LRMDA: variants seen among roughly 807,000 people sequenced by gnomAD.
LRMDA encodes the protein leucine rich melanocyte differentiation associated.
Under a neutral mutation model 29.8 loss-of-function variants are expected in LRMDA, and 18 were observed. The observed-to-expected ratio is 0.60, with a 90% CI of 0.42 to 0.90. The LOEUF (loss-of-function observed/expected upper bound fraction) is 0.90, where lower values mean the gene tolerates loss of function less well. Among genes scored for constraint, LRMDA ranks in the 40% least tolerant of loss-of-function variants. LRMDA has a pLI of 0.00. For missense variants in LRMDA, 273 were observed against 273.9 expected, an observed-to-expected ratio of 1.00 and a Z score of 0.02; for synonymous variants, 125 against 109.4, an observed-to-expected ratio of 1.14 and a Z score of -0.89.
chr10:75,456,002 C>T (rs1048880978), intron 2 of LRMDA, among the ~76,000 whole-genome samples: 8 of 152,182 alleles, frequency 5.3e-5, no homozygotes, highest in African/African-American at 1.9e-4. Context: ...CTTCCCACAC[C>T]CAAAGACATA....
At chr10:75,967,761 G>A (rs1404243158) in intron 2 of LRMDA, among the ~76,000 whole-genome samples, 1 of 152,016 alleles carries the variant, frequency 6.6e-6, no homozygotes, top group African/African-American at 2.4e-5. Flanking sequence ...GGAGAGGAGG[G>A]AGGCGGCGGG....
At chr10:76,410,818 G>C (rs770632865) in intron 6 of LRMDA, among the ~76,000 whole-genome samples, 13 of 152,110 alleles carry the variant, frequency 8.5e-5, no homozygotes, top group Non-Finnish European at 1.8e-4. Flanking sequence ...TCCAGGCATG[G>C]TGGTGAGCGC....
At chr10:76,482,580 T>A (rs1391705726) in intron 6 of LRMDA, among the ~76,000 whole-genome samples, 1 of 151,944 alleles carries the variant, frequency 6.6e-6, no homozygotes, top group African/African-American at 2.4e-5. Flanking sequence ...GTTCATTGAG[T>A]CATTCTACTG....
At chr10:76,358,576 G>C (rs1490440173) in intron 6 of LRMDA, among the ~76,000 whole-genome samples, 1 of 152,192 alleles carries the variant, frequency 6.6e-6, no homozygotes, top group African/African-American at 2.4e-5. Context: ...GCAGGAGCCA[G>C]GAGGCATGGC....
intron 6 of LRMDA, among the ~76,000 whole-genome samples, chr10:76,338,470 CA>C (rs2132416240): frequency 6.6e-6 from 1 of 152,228 alleles, no homozygotes; most frequent in Non-Finnish European, 1.5e-5. Flanking sequence ...GGCCTCATAG[CA>C]GGCAATAATT....
chr10:75,554,551 T>C (rs1227301720), intron 2 of LRMDA, among the ~76,000 whole-genome samples: 1 of 152,218 alleles, frequency 6.6e-6, no homozygotes, highest in East Asian at 1.9e-4. Flanking sequence ...TTCCTATCAC[T>C]ACTCTTAGGA....
intron 5 of LRMDA, among the ~76,000 whole-genome samples, chr10:76,316,940 GAGA>G (rs1426973186): frequency 6.6e-6 from 1 of 152,182 alleles, no homozygotes; most frequent in African/African-American, 2.4e-5. Flanking sequence ...TCAATGCTTT[GAGA>G]AGTTGTCCTG....
chr10:75,456,315 ACAC>A, intron 2 of LRMDA, among the ~76,000 whole-genome samples: 1 of 148,832 alleles, frequency 6.7e-6, no homozygotes, highest in Admixed American at 6.7e-5. Context: ...GTGCCTCTTC[ACAC>A]CCAGCAAGGC....
intron 2 of LRMDA, among the ~76,000 whole-genome samples, chr10:75,645,470 G>A (rs1323525402): frequency 6.6e-6 from 1 of 152,136 alleles, no homozygotes; most frequent in African/African-American, 2.4e-5. Context: ...GTGGGTTGGT[G>A]GGGGGTGGGG....
At chr10:75,496,996 TTTC>T in intron 2 of LRMDA, among the ~76,000 whole-genome samples, 1 of 152,034 alleles carries the variant, frequency 6.6e-6, no homozygotes, top group Non-Finnish European at 1.5e-5. Context: ...GCTTTTTTTT[TTTC>T]TTTTCTTTAA....
chr10:76,089,778 A>C (rs2132089222), intron 5 of LRMDA, among the ~76,000 whole-genome samples: 1 of 152,350 alleles, frequency 6.6e-6, no homozygotes, highest in Admixed American at 6.5e-5. Flanking sequence ...TTAATGTTTA[A>C]GAGTAGAGAA....
intron 6 of LRMDA, among the ~76,000 whole-genome samples, chr10:76,373,576 T>A (rs932928369): frequency 6.6e-6 from 1 of 152,160 alleles, no homozygotes; most frequent in Non-Finnish European, 1.5e-5. Context: ...CTGTGTTTTT[T>A]AAGTCACTAC....
intron 2 of LRMDA, among the ~76,000 whole-genome samples, chr10:75,629,433 C>T: frequency 6.6e-6 from 1 of 152,224 alleles, no homozygotes; most frequent in East Asian, 1.9e-4. Context: ...CTACACATGT[C>T]ATTGCTCTTT....
intron 6 of LRMDA, among the ~76,000 whole-genome samples, chr10:76,350,047 A>C (rs1415100460): frequency 6.6e-6 from 1 of 152,152 alleles, no homozygotes; most frequent in African/African-American, 2.4e-5. Flanking sequence ...AATATCCTTT[A>C]TATAAAGCTT....
At chr10:75,730,915 C>G (rs997939395) in intron 2 of LRMDA, among the ~76,000 whole-genome samples, 4 of 152,244 alleles carry the variant, frequency 2.6e-5, no homozygotes, top group East Asian at 1.9e-4. Flanking sequence ...CTAATCTATA[C>G]TTTTTAGCAG....
At chr10:75,823,211 A>G (rs1183626504) in intron 2 of LRMDA, among the ~76,000 whole-genome samples, 1 of 152,216 alleles carries the variant, frequency 6.6e-6, no homozygotes. Context: ...TTTGCAGACA[A>G]TGCATCTGAC....
At chr10:75,772,372 G>A (rs1843251923) in intron 2 of LRMDA, among the ~76,000 whole-genome samples, 1 of 152,198 alleles carries the variant, frequency 6.6e-6, no homozygotes, top group Non-Finnish European at 1.5e-5. Context: ...AGGATCAATG[G>A]TTTTGGGTGT....
intron 2 of LRMDA, among the ~76,000 whole-genome samples, chr10:75,758,829 A>G (rs576555923): frequency 6.6e-6 from 1 of 152,314 alleles, no homozygotes; most frequent in Admixed American, 6.5e-5. Context: ...TTCTGCCATT[A>G]TCATAAACAG....
At chr10:75,805,235 T>C (rs1402413660) in intron 2 of LRMDA, among the ~76,000 whole-genome samples, 1 of 152,044 alleles carries the variant, frequency 6.6e-6, no homozygotes, top group Non-Finnish European at 1.5e-5. Context: ...TGTGGCTTAG[T>C]GAGTTGGGGC....
Sources: allele counts gnomAD v4.1 joint callset (sites outside exome capture counted in the v4.1 genomes callset), GRCh38; gene constraint gnomAD v4.1.1; transcripts MANE v1.5; gene names NCBI Gene and HGNC (gene_info 2026-07-23, HGNC 2026-07-21).